Variants in ARL14EPL observed in about 807,000 individuals in gnomAD.
ARL14EPL encodes the protein ARF like GTPase 14 effector protein like.
Under a neutral mutation model 15.9 loss-of-function variants are expected in ARL14EPL, and 17 were observed. The ratio of observed to expected loss-of-function variants is 1.07; its 90% CI spans 0.73 to 1.60. The LOEUF (loss-of-function observed/expected upper bound fraction) is 1.60. ARL14EPL is among the 40% of genes most tolerant of loss of function. The pLI is 0.00. For synonymous variants in ARL14EPL, 78 were observed against 63.8 expected (o/e 1.22, Z -1.06); for missense variants, 214 against 185.9 (o/e 1.15, Z -0.88).
intron 1 of ARL14EPL, among the ~76,000 whole-genome samples, chr5:116,045,680 T>G (rs962352421): frequency 1.3e-5 from 2 of 152,138 alleles, no homozygotes; most frequent in African/African-American, 2.4e-5. Flanking sequence ...CTCTGCTGAG[T>G]GCACTTTCAA....
At chr5:116,038,061 A>G (rs1245464219) in intron 1 of ARL14EPL, among the ~76,000 whole-genome samples, 1 of 152,148 alleles carries the variant, frequency 6.6e-6, no homozygotes, top group African/African-American at 2.4e-5. Context: ...AGGTAGGAGG[A>G]GAGGTAGGGA....
intron 3 of ARL14EPL, among the ~76,000 whole-genome samples, chr5:116,058,486 C>T (rs979052704): frequency 5.9e-5 from 9 of 152,172 alleles, no homozygotes; most frequent in African/African-American, 2.2e-4. Context: ...CCTGGCTGCA[C>T]TGGAAGTTGT....
At chr5:116,058,608 C>G (rs1749573965) in intron 3 of ARL14EPL, 117 bp from the exon 4 acceptor site, 1 of 937,582 alleles carries the variant, frequency 1.1e-6, no homozygotes, top group Non-Finnish European at 1.6e-6. Flanking sequence ...CTGGTAATCT[C>G]TGGAGTTCTG....
intron 1 of ARL14EPL, among the ~76,000 whole-genome samples, chr5:116,036,047 A>T (rs1315675171): frequency 6.6e-6 from 1 of 152,238 alleles, no homozygotes; most frequent in East Asian, 1.9e-4. Flanking sequence ...ACATAGTCCG[A>T]GTCCTAACAT....
chr5:116,045,687 T>C (rs1749252458), intron 1 of ARL14EPL, among the ~76,000 whole-genome samples: 1 of 152,154 alleles, frequency 6.6e-6, no homozygotes, highest in African/African-American at 2.4e-5. Flanking sequence ...GAGTGCACTT[T>C]CAAATTATTT....
intron 1 of ARL14EPL, among the ~76,000 whole-genome samples, chr5:116,042,029 C>T (rs1273817102): frequency 6.6e-6 from 1 of 152,020 alleles, no homozygotes; most frequent in Non-Finnish European, 1.5e-5. Flanking sequence ...GGGGGTCTCA[C>T]CATGTTGTCT....
At chr5:116,055,522 C>A (rs1172077447) in intron 3 of ARL14EPL, among the ~76,000 whole-genome samples, 1 of 152,088 alleles carries the variant, frequency 6.6e-6, no homozygotes, top group Non-Finnish European at 1.5e-5. Context: ...GGAAGAATCT[C>A]AACTCATGAT....
chr5:116,057,058 A>G (rs1186529689), intron 3 of ARL14EPL, among the ~76,000 whole-genome samples: 1 of 152,220 alleles, frequency 6.6e-6, no homozygotes, highest in Non-Finnish European at 1.5e-5. Context: ...CCAGCAGCAT[A>G]TCAAAAAGTT....
At position 116,059,465 on chromosome 5, in the gene ARL14EPL, A is replaced by G. The variant is rs1169876546; in HGVS notation, c.*518A>G. 1 of 152,510 alleles carries G rather than the reference A, an allele frequency of 6.6e-6. No individual in the cohort carries two copies. Among genetic ancestry groups the G allele is most frequent in the East Asian group, 1.9e-4 (1 of 5,202 alleles). The allele number at this position is 152,510 out of a possible 1,614,324, so 9.4% of individuals were successfully genotyped here. Reference sequence around the variant, plus strand: ...ATTTTTTTATTGTTCATGTTTTAATAACATTAAAATGAAATTTAGTAATAC... The same window carrying G: ...ATTTTTTTATTGTTCATGTTTTAATGACATTAAAATGAAATTTAGTAATAC... On this transcript the variant is annotated 3_prime_UTR_variant, in exon 4 of 4. Transcript: ENST00000686077.
At chr5:116,034,918 G>T (rs872383) in intron 1 of ARL14EPL, among the ~76,000 whole-genome samples, 73,343 of 151,990 alleles carry the variant, frequency 0.48, 18,348 homozygotes, top group East Asian at 0.65. Context: ...GTCTCAAAAC[G>T]GGGGAATAAT....
chr5:116,036,756 C>T (rs960396904), intron 1 of ARL14EPL, among the ~76,000 whole-genome samples: 1 of 152,160 alleles, frequency 6.6e-6, no homozygotes, highest in African/African-American at 2.4e-5. Context: ...CCTGTAGTTT[C>T]CATAAACCAT....
chr5:116,054,318 C>A (rs1017032335), intron 3 of ARL14EPL, among the ~76,000 whole-genome samples, 165 bp downstream of exon 3: 1 of 152,042 alleles, frequency 6.6e-6, no homozygotes, highest in Non-Finnish European at 1.5e-5. Context: ...CCTTAAGAAA[C>A]AGAAAAATAG....
chr5:116,056,061 G>A (rs1000241779), intron 3 of ARL14EPL, among the ~76,000 whole-genome samples: 13 of 152,042 alleles, frequency 8.6e-5, no homozygotes, highest in Non-Finnish European at 1.8e-4. Context: ...TGGACATTTC[G>A]GTTGGTTCCA....
At chr5:116,047,370 T>C (rs947699525) in intron 1 of ARL14EPL, among the ~76,000 whole-genome samples, 1 of 152,106 alleles carries the variant, frequency 6.6e-6, no homozygotes, top group African/African-American at 2.4e-5. Flanking sequence ...ATAAAATAAA[T>C]CTTGGAGCAG....
rs1749595201 is a variant in ARL14EPL, at chr5:116,059,358, T to C, written c.*411T>C. On this transcript the variant is annotated 3_prime_UTR_variant, in exon 4 of 4. Transcript: ENST00000686077. ...TAATATCTAGTTGTCCTTAGAATCT[T>C]ATACATCACTAGCTGTAAATCAGAA... The C allele has an allele frequency of 5.7e-6, 1 of 174,212 alleles. No homozygotes were observed. Among genetic ancestry groups the C allele is most frequent in the African/African-American group, 2.4e-5 (1 of 41,892 alleles). The allele number at this position is 174,212 out of a possible 1,614,324, so 10.8% of individuals were successfully genotyped here. A position where few individuals can be genotyped will look rare whatever the true frequency, so the allele number is the denominator to read the frequency against.
In ARL14EPL at chr5:116,041,416, T is replaced by C. The variant is rs187900629; in HGVS notation, c.-10+8911T>C. On this transcript the variant is annotated intron_variant, in intron 1 of 3. Coordinates refer to ENST00000686077, the MANE Select transcript of ARL14EPL (RefSeq NM_001195581.2). ...AACACTGAAGTAGTTTTATCCTATT[T>C]TTTTGTTTTGTTTCTGTTTCTTTGT... 7.2e-5 allele frequency among the ~76,000 whole-genome samples: 11 copies of C among 152,314 alleles called. No homozygotes were observed. The East Asian group carries it at 1.3e-3, about 19-fold the overall frequency.
intron 3 of ARL14EPL, among the ~76,000 whole-genome samples, chr5:116,058,177 G>A (rs1749564073): frequency 1.3e-5 from 2 of 152,130 alleles, no homozygotes; most frequent in South Asian, 2.1e-4. Flanking sequence ...AGGAACAGAA[G>A]AAATGGCACT....
chr5:116,052,439 C>G (rs1580416514), intron 2 of ARL14EPL: 3 of 610,082 alleles, frequency 4.9e-6, no homozygotes, highest in African/African-American at 1.8e-5. Context: ...TAATCCTTAT[C>G]ACACCATACT....
At chr5:116,032,899 G>A (rs763178424) in intron 1 of ARL14EPL, among the ~76,000 whole-genome samples, 4 of 152,148 alleles carry the variant, frequency 2.6e-5, no homozygotes, top group Non-Finnish European at 4.4e-5. Flanking sequence ...CTGGGCTCAG[G>A]TGATTCTCCC....
Sources: gnomAD v4.1 joint callset for allele counts (sites outside exome capture counted in the v4.1 genomes callset) on GRCh38, gnomAD v4.1.1 for gene constraint, MANE v1.5 for transcripts, NCBI Gene and HGNC (gene_info 2026-07-23, HGNC 2026-07-21) for gene names.